Variants in AGBL4 observed in about 807,000 individuals in gnomAD.
The protein encoded by AGBL4 is cytosolic carboxypeptidase 6.
In AGBL4, 58 loss-of-function variants were observed where a neutral mutation model predicts 66.4. That is an observed-to-expected ratio of 0.87 (90% CI 0.71 to 1.09). The LOEUF (loss-of-function observed/expected upper bound fraction) is 1.09, where lower values mean the gene tolerates loss of function less well. AGBL4 is among the 50% of genes least tolerant of loss of function. The probability of loss-of-function intolerance (pLI) is 0.00; values close to 1 mark genes in which losing one functional copy is unlikely to be tolerated. For missense variants in AGBL4, 579 were observed against 631.0 expected, an observed-to-expected ratio of 0.92 and a Z score of 0.88; for synonymous variants, 234 against 222.9, an observed-to-expected ratio of 1.05 and a Z score of -0.44.
In AGBL4 at chr1:48,578,749, CTTCA is replaced by C. The variant is rs796963870; in HGVS notation, c.1267+8251_1267+8254del. Among the ~76,000 whole-genome samples the C allele has an allele frequency of 1.5e-4, 23 of 152,280 alleles. 1 individual carries two copies. Among genetic ancestry groups the C allele is most frequent in the African/African-American group, 5.3e-4 (22 of 41,570 alleles). On this transcript the variant is annotated intron_variant, in intron 11 of 13. Coordinates refer to ENST00000371839, the MANE Select transcript of AGBL4 (RefSeq NM_032785.4). ...AGATGTTGGGTGAGGCCTGCTTCCA[CTTCA>C]TTCATTCATTCATTCATTCATTTGC...
rs1553151850 is a variant in AGBL4, at chr1:49,948,055, T to TATGTAA, written c.34+75707_34+75708insTTACAT. 5.2e-5 allele frequency among the ~76,000 whole-genome samples: 5 copies of TATGTAA among 95,678 alleles called. No individual in the cohort carries two copies. In the East Asian group the frequency reaches 8.6e-4, roughly 16 times the overall value. 62.8% of individuals were successfully genotyped at this position (95,678 alleles called of 152,430 possible). ...ATATATACATATAAATATATAAATA[T>TATGTAA]ATATATGTAAATATATGTAAATATA... On this transcript the variant is annotated intron_variant, in intron 1 of 13. Transcript: ENST00000371839.
rs190797965 is a variant in AGBL4, at chr1:48,732,846, T to C, written c.635-69605A>G. On this transcript the variant is annotated intron_variant, in intron 6 of 13. Transcript: ENST00000371839. Reference sequence around the variant, plus strand: ...GTGCTTGGTAGGATCAGCGAGAAGATGGCTGGACACAGAGGAGAGGGCCCA... The same window carrying C: ...GTGCTTGGTAGGATCAGCGAGAAGACGGCTGGACACAGAGGAGAGGGCCCA... Among the ~76,000 whole-genome samples, 4 of 152,158 alleles carry C rather than the reference T, an allele frequency of 2.6e-5. No homozygotes were observed. In the East Asian group the frequency reaches 7.7e-4, roughly 29 times the overall value.
At chr1:49,207,448 TTCTTTCTTTTTCTTTCTTTC>T (rs1268729511) in intron 4 of AGBL4, among the ~76,000 whole-genome samples, 4 of 14,604 alleles carry the variant, frequency 2.7e-4, no homozygotes, top group South Asian at 2.4e-3. Context: ...TTCTTTTTCT[TTCTTTCTTTTTCTTTCTTTC>T]TCTTTCTTTC....
chr1:49,474,357 T>C (rs1039453527), intron 3 of AGBL4, among the ~76,000 whole-genome samples: 4 of 152,038 alleles, frequency 2.6e-5, no homozygotes, highest in African/African-American at 9.7e-5. Context: ...CTTGGTTATA[T>C]GTATTAGTGG....
At chr1:48,607,984 C>A (rs934159039) in intron 9 of AGBL4, among the ~76,000 whole-genome samples, 2 of 152,192 alleles carry the variant, frequency 1.3e-5, no homozygotes, top group Admixed American at 6.5e-5. Flanking sequence ...ATTGAAGTCA[C>A]AAAGCTTCTA....
chr1:48,920,879 G>A (rs1654019135), intron 5 of AGBL4, among the ~76,000 whole-genome samples: 2 of 152,042 alleles, frequency 1.3e-5, no homozygotes, highest in Admixed American at 1.3e-4. Context: ...CAAGTGCCAA[G>A]CCATGTGCTT....
intron 3 of AGBL4, among the ~76,000 whole-genome samples, chr1:49,598,495 G>A (rs1317404398): frequency 1.3e-5 from 2 of 152,210 alleles, no homozygotes; most frequent in African/African-American, 4.8e-5. Context: ...GACCCTGTTT[G>A]CCTGGGTATC....
At chr1:48,628,681 T>C (rs1645543794) in intron 9 of AGBL4, among the ~76,000 whole-genome samples, 1 of 152,048 alleles carries the variant, frequency 6.6e-6, no homozygotes, top group Non-Finnish European at 1.5e-5. Context: ...CTCCATTCCA[T>C]TGCTCAGATT....
chr1:49,610,686 C>T (rs1369667758), intron 3 of AGBL4, among the ~76,000 whole-genome samples: 1 of 152,286 alleles, frequency 6.6e-6, no homozygotes, highest in Non-Finnish European at 1.5e-5. Flanking sequence ...AACACCTCAT[C>T]TATGAGGAAG....
At chr1:49,355,920 C>T (rs1227855093) in intron 3 of AGBL4, among the ~76,000 whole-genome samples, 1 of 152,088 alleles carries the variant, frequency 6.6e-6, no homozygotes, top group African/African-American at 2.4e-5. Flanking sequence ...CAGTACTGCC[C>T]AGAAAGTTCA....
chr1:49,740,232 A>G (rs1650316779), intron 2 of AGBL4, among the ~76,000 whole-genome samples: 1 of 152,196 alleles, frequency 6.6e-6, no homozygotes, highest in South Asian at 2.1e-4. Context: ...AAAACAAAAA[A>G]AGGCAGGGGT....
intron 3 of AGBL4, among the ~76,000 whole-genome samples, chr1:49,444,700 T>C (rs1347319604): frequency 6.6e-6 from 1 of 152,050 alleles, no homozygotes; most frequent in Non-Finnish European, 1.5e-5. Context: ...AAGCAGCATA[T>C]AGTTGGATCA....
chr1:49,561,470 A>G (rs1041722389), intron 3 of AGBL4, among the ~76,000 whole-genome samples: 33 of 148,776 alleles, frequency 2.2e-4, no homozygotes, highest in African/African-American at 8.2e-4. Flanking sequence ...CCCCCAACCC[A>G]CAACAGTCCC....
chr1:49,857,044 A>G (rs1646452455), intron 1 of AGBL4, among the ~76,000 whole-genome samples: 4 of 152,114 alleles, frequency 2.6e-5, no homozygotes, highest in Admixed American at 2.6e-4. Flanking sequence ...TCAAGATACA[A>G]ATTCAACCTA....
chr1:48,820,867 T>C (rs1646296547), intron 6 of AGBL4, among the ~76,000 whole-genome samples: 1 of 152,096 alleles, frequency 6.6e-6, no homozygotes, highest in Non-Finnish European at 1.5e-5. Context: ...AAAGGACTAA[T>C]ATCCAGAATC....
intron 1 of AGBL4, among the ~76,000 whole-genome samples, chr1:49,926,845 G>C (rs1408796007): frequency 2.0e-5 from 3 of 152,128 alleles, no homozygotes; most frequent in East Asian, 3.9e-4. Flanking sequence ...GGGTTCACTA[G>C]AGGGACAGAA....
At chr1:48,636,683 C>G (rs572318736) in intron 8 of AGBL4, among the ~76,000 whole-genome samples, 1 of 152,172 alleles carries the variant, frequency 6.6e-6, no homozygotes, top group Admixed American at 6.5e-5. Context: ...TCTTATCTGA[C>G]GTATTGCTAC....
chr1:49,595,340 C>T (rs1415688529), intron 3 of AGBL4, among the ~76,000 whole-genome samples: 8 of 152,076 alleles, frequency 5.3e-5, no homozygotes, highest in Non-Finnish European at 1.2e-4. Flanking sequence ...CTGCCTGTCT[C>T]GGCCTCCCAA....
At chr1:48,845,606 A>G (rs372792227) in intron 6 of AGBL4, among the ~76,000 whole-genome samples, 414 of 152,336 alleles carry the variant, frequency 2.7e-3, no homozygotes, top group Non-Finnish European at 4.1e-3. Context: ...TCCCACCCCA[A>G]GAGCTGAAGC....
Sources: allele counts gnomAD v4.1 joint callset (sites outside exome capture counted in the v4.1 genomes callset), GRCh38; gene constraint gnomAD v4.1.1; transcripts MANE v1.5; gene names NCBI Gene and HGNC (gene_info 2026-07-23, HGNC 2026-07-21).